CADM2: variants seen among roughly 807,000 people sequenced by gnomAD.
CADM2 encodes the protein cell adhesion molecule 2, also known as immunoglobulin superfamily member 4D.
CADM2 carries 12 observed loss-of-function variants against 49.8 expected under a neutral mutation model. That is an observed-to-expected ratio of 0.24 (90% CI 0.15 to 0.39). The LOEUF (loss-of-function observed/expected upper bound fraction) is 0.39. CADM2 is among the 10% of genes least tolerant of loss of function. The pLI is 1.00. For synonymous variants in CADM2, 214 were observed against 175.4 expected (o/e 1.22, Z -1.74); for missense variants, 378 against 492.3 (o/e 0.77, Z 2.20).
chr3:85,543,262 TA>T (rs1291172736), intron 1 of CADM2, among the ~76,000 whole-genome samples: 25 of 43,138 alleles, frequency 5.8e-4, no homozygotes, highest in South Asian at 3.9e-3. Context: ...TTTTTATTTT[TA>T]TTTTTTTTGG....
intron 1 of CADM2, among the ~76,000 whole-genome samples, chr3:85,354,902 C>T (rs780065005): frequency 3.3e-5 from 5 of 151,906 alleles, no homozygotes; most frequent in Non-Finnish European, 5.9e-5. Flanking sequence ...GGAGGAATCA[C>T]GAATATGGGA....
At chr3:85,797,430 G>A (rs1260152643) in intron 2 of CADM2, among the ~76,000 whole-genome samples, 1 of 151,954 alleles carries the variant, frequency 6.6e-6, no homozygotes, top group Non-Finnish European at 1.5e-5. Context: ...AACAGGCCCT[G>A]GTGTGTGATG....
intron 1 of CADM2, among the ~76,000 whole-genome samples, chr3:85,610,062 A>T (rs539350137): frequency 6.6e-6 from 1 of 152,008 alleles, no homozygotes; most frequent in African/African-American, 2.4e-5. Context: ...GGTAAAAATG[A>T]TATGTATATT....
intron 1 of CADM2, among the ~76,000 whole-genome samples, chr3:85,682,102 A>G (rs2066055063): frequency 1.3e-5 from 2 of 152,126 alleles, no homozygotes; most frequent in African/African-American, 2.4e-5. Context: ...CAACAGATTT[A>G]TTACCTAAAG....
chr3:85,159,812 G>A (rs1259989034), intron 1 of CADM2, among the ~76,000 whole-genome samples: 1 of 152,154 alleles, frequency 6.6e-6, no homozygotes, highest in Non-Finnish European at 1.5e-5. Context: ...ACCATTTACT[G>A]TTTGTAATAT....
chr3:85,408,469 T>TAA (rs1304479476), intron 1 of CADM2, among the ~76,000 whole-genome samples: 1 of 152,194 alleles, frequency 6.6e-6, no homozygotes, highest in Non-Finnish European at 1.5e-5. Flanking sequence ...ACTTCAGAAT[T>TAA]TGTTAAGTTT....
intron 1 of CADM2, among the ~76,000 whole-genome samples, chr3:85,310,603 T>G (rs2044318685): frequency 6.6e-6 from 1 of 152,118 alleles, no homozygotes; most frequent in Admixed American, 6.5e-5. Flanking sequence ...ACATAAAAGC[T>G]TGCAAAACTT....
intron 1 of CADM2, among the ~76,000 whole-genome samples, chr3:85,053,762 T>A (rs1211138797): frequency 6.6e-6 from 1 of 151,950 alleles, no homozygotes; most frequent in Non-Finnish European, 1.5e-5. Context: ...TAAATGTCCC[T>A]CCTTACACTG....
chr3:84,968,109 A>AT (rs2031149630), intron 1 of CADM2, among the ~76,000 whole-genome samples: 1 of 151,876 alleles, frequency 6.6e-6, no homozygotes, highest in South Asian at 2.1e-4. Flanking sequence ...TTATTTTCTC[A>AT]TGAATTGTGT....
intron 1 of CADM2, among the ~76,000 whole-genome samples, chr3:85,657,729 GAT>G (rs889894743): frequency 8.0e-5 from 8 of 99,600 alleles, no homozygotes; most frequent in South Asian, 6.5e-4. Flanking sequence ...TATATATACA[GAT>G]ATATATATAC....
intron 1 of CADM2, among the ~76,000 whole-genome samples, chr3:85,626,732 CT>C (rs1435829160): frequency 2.0e-5 from 3 of 151,976 alleles, no homozygotes; most frequent in Non-Finnish European, 4.4e-5. Context: ...TTTTCCAACT[CT>C]TTCAGTATTG....
At chr3:85,464,312 T>C (rs763622977) in intron 1 of CADM2, among the ~76,000 whole-genome samples, 5 of 152,154 alleles carry the variant, frequency 3.3e-5, no homozygotes, top group Non-Finnish European at 4.4e-5. Flanking sequence ...AACTTTGTTT[T>C]CCCTGCCACC....
chr3:85,053,941 C>T (rs1410017858), intron 1 of CADM2, among the ~76,000 whole-genome samples: 1 of 151,820 alleles, frequency 6.6e-6, no homozygotes, highest in African/African-American at 2.4e-5. Context: ...TTCCTGTAGT[C>T]CTCATGATTG....
At position 85,360,528 on chromosome 3, in the gene CADM2, G is replaced by A. The variant is rs549204645; in HGVS notation, c.62-365994G>A. ...TTCTATAACATATGGATAGTTAAAA[G>A]TTAATATAACAAAAATGAGTTAATC... On this transcript the variant is annotated intron_variant, in intron 1 of 9. Coordinates refer to ENST00000383699, the MANE Select transcript of CADM2 (RefSeq NM_001167675.2). 2.0e-5 allele frequency among the ~76,000 whole-genome samples: 3 copies of A among 152,222 alleles called. No individual in the cohort carries two copies. In the East Asian group the frequency reaches 5.8e-4, roughly 29 times the overall value.
chr3:85,471,188 A>G (rs911032166), intron 1 of CADM2, among the ~76,000 whole-genome samples: 19 of 152,136 alleles, frequency 1.2e-4, no homozygotes, highest in African/African-American at 4.3e-4. Flanking sequence ...GTCATCACTC[A>G]GGGATCCAGG....
At chr3:85,418,387 T>C (rs2036008442) in intron 1 of CADM2, among the ~76,000 whole-genome samples, 1 of 152,124 alleles carries the variant, frequency 6.6e-6, no homozygotes, top group Admixed American at 6.5e-5. Context: ...GGCTAAGAGA[T>C]GATACAAGAA....
intron 8 of CADM2, among the ~76,000 whole-genome samples, chr3:86,041,534 A>G (rs544462623): frequency 3.3e-5 from 5 of 152,340 alleles, no homozygotes; most frequent in East Asian, 3.9e-4. Flanking sequence ...AGAGCTAACT[A>G]TCTTAAATAT....
At chr3:85,645,268 A>G (rs1206991937) in intron 1 of CADM2, among the ~76,000 whole-genome samples, 1 of 152,070 alleles carries the variant, frequency 6.6e-6, no homozygotes, top group Non-Finnish European at 1.5e-5. Context: ...TAAAACACAA[A>G]TCCGTTTCAG....
intron 8 of CADM2, among the ~76,000 whole-genome samples, chr3:86,007,193 C>T (rs573690370): frequency 7.1e-6 from 1 of 140,888 alleles, no homozygotes; most frequent in Admixed American, 7.9e-5. Context: ...ACAGGATGGT[C>T]TTTACTATAT....
Sources: allele counts gnomAD v4.1 joint callset (sites outside exome capture counted in the v4.1 genomes callset), GRCh38; gene constraint gnomAD v4.1.1; transcripts MANE v1.5; gene names NCBI Gene and HGNC (gene_info 2026-07-23, HGNC 2026-07-21).